The following WNT2 variants were observed in gnomAD, a reference collection of about 807,000 sequenced individuals.
WNT2 encodes the protein Wnt family member 2.
WNT2 carries 12 observed loss-of-function variants against 36.9 expected under a neutral mutation model. The ratio of observed to expected loss-of-function variants is 0.33; its 90% confidence interval spans 0.21 to 0.53. WNT2 has a LOEUF of 0.53. WNT2 is among the 20% of genes least tolerant of loss of function. WNT2 has a pLI of 0.95. For synonymous variants in WNT2, 163 were observed against 174.6 expected, an observed-to-expected ratio of 0.93 and a Z score of 0.52; for missense variants, 379 against 473.1, an observed-to-expected ratio of 0.80 and a Z score of 1.84.
intron 4 of WNT2, among the ~76,000 whole-genome samples, chr7:117,286,127 A>T (rs1339385523): frequency 6.6e-6 from 1 of 152,122 alleles, no homozygotes; most frequent in Non-Finnish European, 1.5e-5. Flanking sequence ...CATAAGATTA[A>T]AAAAAAGGAC....
At chr7:117,317,066 G>A (rs138927342) in intron 2 of WNT2, among the ~76,000 whole-genome samples, 88 of 152,250 alleles carry the variant, frequency 5.8e-4, no homozygotes, top group African/African-American at 2.1e-3. Flanking sequence ...TTAGAAGCCG[G>A]CGCCCATGTT....
chr7:117,320,789 T>G lies in WNT2; in HGVS notation c.88A>C (p.Met30Leu), dbSNP rs895560180. Residue 30 changes from methionine to leucine, a missense_variant, in exon 2 of 5, where the codon ATG (methionine) becomes CTG (leucine). Physicochemically the swap from Met to Leu is conservative, Grantham distance 15. Transcript: ENST00000265441. ...CTGGAGGAGCCACCTGTAGCTCTCA[T>G]GTACCTATAAGGGACCAACCAACAC... Reference protein sequence around the residue: ...TPEVNSSWWYMRATGGSSRVM... With the variant: ...TPEVNSSWWYLRATGGSSRVM... 6.2e-7 allele frequency: 1 copy of G among 1,608,744 alleles called. No individual in the cohort carries two copies. The highest frequency in any genetic ancestry group is 1.1e-5 in the South Asian group (1 of 90,112).
chr7:117,315,152 G>A lies in WNT2; in HGVS notation c.507C>T (p.Arg169=), dbSNP rs370359868. ...DNIDYGIKFA[R]AFVDAKERKG... ...TCCTTTCCTTTGCATCCACAAATGCGCGGGCAAATTTGATCCCATAGTCAA... is the reference window on the plus strand; with the variant it reads ...TCCTTTCCTTTGCATCCACAAATGCACGGGCAAATTTGATCCCATAGTCAA... Residue 169 remains arginine (R), a synonymous_variant, in exon 3 of 5, where the codon CGC becomes CGT. Transcript: ENST00000265441. 91 of 1,614,012 alleles carry A rather than the reference G, an allele frequency of 5.6e-5. No homozygotes were observed. The highest frequency in any genetic ancestry group is 3.3e-4 in the Middle Eastern group (2 of 6,062).
chr7:117,320,569 C>A lies in WNT2; in HGVS notation c.308G>T (p.Arg103Leu). The change falls in exon 2 of 5, where the codon CGA becomes CTA. Residue 103 changes from arginine (R) to leucine (L), a missense_variant and splice_region_variant. Physicochemically the swap from Arg to Leu is moderately radical, Grantham distance 102. Coordinates refer to ENST00000265441, the MANE Select transcript of WNT2 (RefSeq NM_003391.3). Reference sequence around the variant, plus strand: ...CTGGGTGAAGGCAGGAGACTTACTTCGGAGTAGGACCCTGCCAAAAAGGCT... The same window carrying A: ...CTGGGTGAAGGCAGGAGACTTACTTAGGAGTAGGACCCTGCCAAAAAGGCT... ...DHSLFGRVLL[R>L]SSRESAFVYA... is the part of the protein sequence containing the mutation. 6.2e-7 allele frequency: 1 copy of A among 1,612,592 alleles called. No homozygotes were observed. Among genetic ancestry groups the A allele is most frequent in the Non-Finnish European group, 8.5e-7 (1 of 1,179,386 alleles).
At chr7:117,278,784 C>T (rs545111077) in intron 4 of WNT2, among the ~76,000 whole-genome samples, 1 of 152,302 alleles carries the variant, frequency 6.6e-6, no homozygotes, top group African/African-American at 2.4e-5. Context: ...TACCTCAAAC[C>T]ACATTAAGGA....
At chr7:117,306,934 T>A (rs530566711) in intron 3 of WNT2, among the ~76,000 whole-genome samples, 1 of 152,226 alleles carries the variant, frequency 6.6e-6, no homozygotes, top group Non-Finnish European at 1.5e-5. Context: ...CATAACTGCT[T>A]CAGTGCTAAA....
At chr7:117,287,690 TA>T (rs1317203198) in intron 4 of WNT2, among the ~76,000 whole-genome samples, 1 of 152,142 alleles carries the variant, frequency 6.6e-6, no homozygotes, top group Non-Finnish European at 1.5e-5. Flanking sequence ...AATAGTGTCT[TA>T]AAAATTTAGA....
intron 3 of WNT2, among the ~76,000 whole-genome samples, chr7:117,303,095 G>A (rs964316384): frequency 6.6e-6 from 1 of 152,168 alleles, no homozygotes; most frequent in African/African-American, 2.4e-5. Flanking sequence ...TTAGAACCTA[G>A]GGTGGACGTG....
In WNT2 at chr7:117,322,536, TACACACACACACACAC is replaced by T. The variant is rs144898264; in HGVS notation, c.83+355_83+370del. Reference sequence around the variant, plus strand: ...GCGGTTGTAGTTTTCAAGGTGAATTTACACACACACACACACACACACACACACACACACACGTCTG... The same window carrying T: ...GCGGTTGTAGTTTTCAAGGTGAATTTACACACACACACACACACACGTCTG... On this transcript the variant is annotated intron_variant, in intron 1 of 4. Transcript: ENST00000265441. The surrounding 1 kb of genome is among the most constrained non-coding windows in gnomAD (Gnocchi z 5.4). Among the ~76,000 whole-genome samples the T allele has an allele frequency of 7.8e-6, 1 of 127,904 alleles. No individual in the cohort carries two copies. The highest frequency in any genetic ancestry group is 1.6e-5 in the Non-Finnish European group (1 of 62,340). 83.9% of individuals were successfully genotyped at this position (127,904 alleles called of 152,430 possible).
rs1464176998 is a variant in WNT2 at position 117,278,359 on chromosome 7, C to T, written c.879G>A (p.Val293=). ...EAGSLGTAGR[V]CNLTSRGMDS... is the part of the protein sequence containing the mutation. The stretch of plus-strand genomic sequence containing the variant: ...CCATGCCCCGGGAAGTCAGGTTGCA[C>T]ACACGGCCTGCTGTACCCAGGGAGC... The change falls in exon 5 of 5, where the codon GTG becomes GTA. Residue 293 remains valine, a synonymous_variant. Coordinates refer to ENST00000265441, the MANE Select transcript of WNT2 (RefSeq NM_003391.3). 3.1e-6 allele frequency: 5 copies of T among 1,613,930 alleles called. No homozygotes were observed. The South Asian group carries it at 5.5e-5, about 18-fold the overall frequency.
chr7:117,316,547 AC>A (rs1795223429), intron 2 of WNT2, among the ~76,000 whole-genome samples: 1 of 152,136 alleles, frequency 6.6e-6, no homozygotes, highest in South Asian at 2.1e-4. Context: ...AGAGCAAACC[AC>A]CTTTTCACAT....
At chr7:117,289,349 C>A (rs907018787) in intron 4 of WNT2, among the ~76,000 whole-genome samples, 1 of 152,168 alleles carries the variant, frequency 6.6e-6, no homozygotes, top group Non-Finnish European at 1.5e-5. Flanking sequence ...TGAGCCACTG[C>A]GCCCGGCCCA....
At chr7:117,280,709 C>T (rs79845433) in intron 4 of WNT2, among the ~76,000 whole-genome samples, 1,552 of 152,308 alleles carry the variant, frequency 0.01, 16 homozygotes, top group Non-Finnish European at 0.014. Context: ...CTTCAGTTTC[C>T]TCCTGTGCAA....
chr7:117,282,038 T>C (rs1431117119), intron 4 of WNT2, among the ~76,000 whole-genome samples: 1 of 152,186 alleles, frequency 6.6e-6, no homozygotes, highest in African/African-American at 2.4e-5. Flanking sequence ...CATTACATTT[T>C]CCAGTGGTAT....
At chr7:117,292,760 C>G (rs1188655119) in intron 4 of WNT2, among the ~76,000 whole-genome samples, 2 of 152,122 alleles carry the variant, frequency 1.3e-5, no homozygotes, top group Non-Finnish European at 2.9e-5. Context: ...AAGAATGACT[C>G]TCTTATACTG....
At chr7:117,297,059 C>T (rs867756710) in intron 4 of WNT2, among the ~76,000 whole-genome samples, 1 of 152,140 alleles carries the variant, frequency 6.6e-6, no homozygotes, top group Non-Finnish European at 1.5e-5. Flanking sequence ...TGCTGGGCTG[C>T]TCTCCCTAGT....
At chr7:117,319,526 G>GCT (rs1199044025) in intron 2 of WNT2, among the ~76,000 whole-genome samples, 2 of 148,426 alleles carry the variant, frequency 1.3e-5, no homozygotes, top group African/African-American at 2.5e-5. Context: ...AGGAATTGGG[G>GCT]GGGGGGGTAG....
intron 3 of WNT2, among the ~76,000 whole-genome samples, chr7:117,313,685 C>T (rs1795164277): frequency 6.6e-6 from 1 of 152,204 alleles, no homozygotes; most frequent in Non-Finnish European, 1.5e-5. Context: ...AGTCACCACA[C>T]TTTATAACTT....
intron 3 of WNT2, among the ~76,000 whole-genome samples, chr7:117,311,397 GGA>G (rs1259739483): frequency 6.6e-6 from 1 of 152,084 alleles, no homozygotes; most frequent in African/African-American, 2.4e-5. Context: ...AGGGCACATG[GGA>G]GAACAGGAGC....
Sources: allele counts gnomAD v4.1 joint callset (sites outside exome capture counted in the v4.1 genomes callset), GRCh38; gene constraint gnomAD v4.1.1; non-coding constraint Gnocchi (gnomAD v3.1); transcripts MANE v1.5; gene names NCBI Gene and HGNC (gene_info 2026-07-23, HGNC 2026-07-21).